Variants in SMG1 observed in about 807,000 individuals in gnomAD.
The protein encoded by SMG1 is SMG1 nonsense mediated mRNA decay associated PI3K related kinase.
SMG1 carries 22 observed loss-of-function variants against 419.9 expected under a neutral mutation model. The observed-to-expected ratio is 0.05, with a 90% CI of 0.04 to 0.07. The LOEUF (loss-of-function observed/expected upper bound fraction) is 0.07, where lower values mean the gene tolerates loss of function less well. SMG1 is among the 10% of genes least tolerant of loss of function. SMG1 has a pLI of 1.00. For missense variants in SMG1, 3,185 were observed against 4,342.0 expected (o/e 0.73, Z 7.49); for synonymous variants, 1,538 against 1,553.5 (o/e 0.99, Z 0.23).
At chr16:18,834,843 T>C in intron 49 of SMG1, 49 bp downstream of exon 49, 2 of 1,569,918 alleles carry the variant, frequency 1.3e-6, no homozygotes, top group Admixed American at 1.8e-5. Context: ...AGGTTTGGGA[T>C]TAAAAATAAG....
intron 49 of SMG1, 129 bp from the exon 50 acceptor site, chr16:18,834,567 A>T: frequency 2.4e-6 from 2 of 829,952 alleles, no homozygotes; most frequent in African/African-American, 1.7e-5. Context: ...ACTTCAGGCC[A>T]GGAGTTCGAG....
At chr16:18,858,711 T>C in intron 28 of SMG1, 1 of 247,376 alleles carries the variant, frequency 4.0e-6, no homozygotes, top group Non-Finnish European at 7.7e-6. Flanking sequence ...AGAGGAGAGA[T>C]CTTTGTTTGC....
At chr16:18,833,745 A>C (rs1233247254) in intron 50 of SMG1, among the ~76,000 whole-genome samples, 1 of 152,096 alleles carries the variant, frequency 6.6e-6, no homozygotes, top group Admixed American at 6.6e-5. Context: ...TCTCACTCAC[A>C]CTTCTCCATA....
At chr16:18,841,277 C>G (rs1401616531) in intron 41 of SMG1, among the ~76,000 whole-genome samples, 2 of 151,526 alleles carry the variant, frequency 1.3e-5, no homozygotes, top group Non-Finnish European at 2.9e-5. Context: ...GTGCGCCCCC[C>G]ATAGTTCCCG....
At chr16:18,919,577 T>C (rs537403864) in intron 1 of SMG1, among the ~76,000 whole-genome samples, 5 of 149,614 alleles carry the variant, frequency 3.3e-5, no homozygotes, top group African/African-American at 4.9e-5. Flanking sequence ...TGAGCCGAGA[T>C]TGCGCCACTG....
chr16:18,873,157 A>C (rs2035916429), intron 13 of SMG1, among the ~76,000 whole-genome samples: 1 of 152,232 alleles, frequency 6.6e-6, no homozygotes, highest in African/African-American at 2.4e-5. Context: ...TCTCTCTCTC[A>C]AAACAAAACA....
At chr16:18,856,065 T>G (rs2034883241) in intron 29 of SMG1, among the ~76,000 whole-genome samples, 1 of 152,190 alleles carries the variant, frequency 6.6e-6, no homozygotes, top group Non-Finnish European at 1.5e-5. Flanking sequence ...TCAGCCTGCC[T>G]TCTTCCTCAT....
intron 1 of SMG1, among the ~76,000 whole-genome samples, chr16:18,903,260 C>A (rs13335259): frequency 6.6e-6 from 1 of 152,172 alleles, no homozygotes; most frequent in African/African-American, 2.4e-5. Context: ...AAGGAGCAAA[C>A]GAAGCCAGTA....
At chr16:18,819,750 C>G in intron 55 of SMG1, 96 bp from the exon 56 acceptor site, 1 of 1,206,898 alleles carries the variant, frequency 8.3e-7, no homozygotes, top group Non-Finnish European at 1.1e-6. Flanking sequence ...TTCAAAAGAA[C>G]CAGGGTGGAC....
In SMG1 at chr16:18,859,643, A is replaced by G. The variant is rs776229925; in HGVS notation, c.3866T>C (p.Ile1289Thr). The change falls in exon 27 of 63, where the codon ATT (isoleucine) becomes ACT (threonine). Residue 1289 changes from isoleucine (I) to threonine (T), a missense_variant. Transcript: ENST00000446231. ...SPDPRELQKS[I>T]EVQLLRSSVC... ...AGAACTTCTTAACAATTGAACTTCA[A>G]TGGATTTCTGAAGTTCCCTCGGATC... The G allele has an allele frequency of 1.5e-5, 24 of 1,613,318 alleles. No individual in the cohort carries two copies. Among genetic ancestry groups the G allele is most frequent in the Non-Finnish European group, 2.0e-5 (24 of 1,179,396 alleles).
chr16:18,899,611 TC>T (rs1197262205), intron 1 of SMG1, among the ~76,000 whole-genome samples: 2 of 152,114 alleles, frequency 1.3e-5, no homozygotes, highest in Non-Finnish European at 2.9e-5. Context: ...ACCAACAAGA[TC>T]ATCCCAGTCC....
chr16:18,901,115 G>A (rs900029221), intron 1 of SMG1, among the ~76,000 whole-genome samples: 3 of 152,168 alleles, frequency 2.0e-5, no homozygotes, highest in African/African-American at 7.2e-5. Context: ...GTATGCATCA[G>A]TTTTGCAATA....
rs1452389963 is a variant in SMG1 at position 18,829,444 on chromosome 16, C to T, written c.9445G>A (p.Gly3149Arg). 1 of 1,614,002 alleles carries T rather than the reference C, an allele frequency of 6.2e-7. No homozygotes were observed. Among genetic ancestry groups the T allele is most frequent in the Admixed American group, 1.7e-5 (1 of 60,018 alleles). Residue 3149 changes from glycine (G) to arginine (R), a missense_variant, in exon 54 of 63, where the codon GGG (glycine) becomes AGG (arginine). By Grantham distance (125) the Gly-to-Arg change is moderately radical. Coordinates refer to ENST00000446231, the MANE Select transcript of SMG1 (RefSeq NM_015092.5). The stretch of plus-strand genomic sequence containing the variant: ...TTCATAACCAGCTGAGAGAACTTCC[C>T]TATCTGGATGTTATGTTCCACCGCT... The part of the protein sequence containing the change: ...KKAVEHNIQI[G>R]KFSQLVMNRA...
chr16:18,914,159 T>C lies in SMG1; in HGVS notation c.92+11791A>G, dbSNP rs993032317. Reference sequence around the variant, plus strand: ...CCAGCCTGGGCAACAAGAGCAAAACTCCATCTCAAAAAAAAAAAAGCAACA... The same window carrying C: ...CCAGCCTGGGCAACAAGAGCAAAACCCCATCTCAAAAAAAAAAAAGCAACA... On this transcript the variant is annotated intron_variant, in intron 1 of 62. Transcript: ENST00000446231. 4.3e-3 allele frequency among the ~76,000 whole-genome samples: 592 copies of C among 137,192 alleles called. 5 individuals are homozygous for C. The highest frequency in any genetic ancestry group is 0.015 in the African/African-American group (570 of 37,116). 90.0% of individuals were successfully genotyped at this position (137,192 alleles called of 152,430 possible).
In SMG1 at chr16:18,828,092, G is replaced by T; in HGVS notation, c.9680C>A (p.Thr3227Asn). The change falls in exon 55 of 63, where the codon ACC becomes AAC. Residue 3227 changes from threonine (T) to asparagine (N), a missense_variant. Transcript: ENST00000446231. ...GGTATGCAGCTTCTTTTTCATGCTG[G>T]TTAGGATAGCAGACCGTGGGGGAGG... Reference protein sequence around the residue: ...VTPPPRSAILTSMKKKLHTLS... With the variant: ...VTPPPRSAILNSMKKKLHTLS... The T allele has an allele frequency of 6.2e-7, 1 of 1,613,562 alleles. No homozygotes were observed. Among genetic ancestry groups the T allele is most frequent in the Non-Finnish European group, 8.5e-7 (1 of 1,179,678 alleles).
In SMG1 at chr16:18,882,249, C is replaced by A. The variant is rs778494980; in HGVS notation, c.1209G>T (p.Arg403=). 1.2e-6 allele frequency: 2 copies of A among 1,610,090 alleles called. No individual in the cohort carries two copies. Among genetic ancestry groups the A allele is most frequent in the South Asian group, 1.1e-5 (1 of 90,690 alleles). Residue 403 remains arginine, a synonymous_variant, in exon 10 of 63, where the codon CGG becomes CGT. Coordinates refer to ENST00000446231, the MANE Select transcript of SMG1 (RefSeq NM_015092.5). The stretch of plus-strand genomic sequence containing the variant: ...TGCTCCTCACCACAGTACTAAATAC[C>A]CGGAGAAGTGCAGCCAGCTTTGGTA... ...VSLPKLAALL[R]VFSTVVRSIG...
intron 12 of SMG1, among the ~76,000 whole-genome samples, chr16:18,876,664 G>GT (rs59861986): frequency 0.54 from 67,580 of 125,428 alleles, 16,002 homozygotes; most frequent in Non-Finnish European, 0.63. Context: ...CGAAATGGCC[G>GT]TTTTTTTTTT....
In SMG1 at chr16:18,819,578, G is replaced by A; in HGVS notation, c.9818C>T (p.Pro3273Leu). The change falls in exon 56 of 63, where the codon CCT (proline) becomes CTT (leucine). Residue 3273 changes from proline to leucine, a missense_variant. This residue lies in a region of SMG1 where 737 missense variants were observed against 846.6 expected (regional missense o/e 0.87). Coordinates refer to ENST00000446231, the MANE Select transcript of SMG1 (RefSeq NM_015092.5). ...WAGGANPALA[P>L]VLQDFEATIA... Reference sequence around the variant, plus strand: ...CGTTGCTTCAAAATCTTGTAGTACAGGGGCCAATGCAGGGTTGGCACCACC... The same window carrying A: ...CGTTGCTTCAAAATCTTGTAGTACAAGGGCCAATGCAGGGTTGGCACCACC... 1 of 1,600,434 alleles carries A rather than the reference G, an allele frequency of 6.2e-7. No homozygotes were observed. Among genetic ancestry groups the A allele is most frequent in the Non-Finnish European group, 8.5e-7 (1 of 1,173,048 alleles).
chr16:18,860,231 ATCGGTAAG>A (rs2035143499), intron 26 of SMG1, among the ~76,000 whole-genome samples: 1 of 152,122 alleles, frequency 6.6e-6, no homozygotes, highest in South Asian at 2.1e-4. Flanking sequence ...AAAAAAGAAA[ATCGGTAAG>A]TCAATCTACT....
Sources: gnomAD v4.1 joint callset for allele counts (sites outside exome capture counted in the v4.1 genomes callset) on GRCh38, gnomAD v4.1.1 for gene constraint, gnomAD v4.1.1 regional missense constraint, MANE v1.5 for transcripts, NCBI Gene and HGNC (gene_info 2026-07-23, HGNC 2026-07-21) for gene names.